The following PCDH7 variants were observed in gnomAD, a reference collection of about 807,000 sequenced individuals.
PCDH7 encodes the protein protocadherin-7.
Under a neutral mutation model 58.9 loss-of-function variants are expected in PCDH7, and 17 were observed. The observed-to-expected ratio is 0.29, with a 90% CI of 0.20 to 0.43. The LOEUF (loss-of-function observed/expected upper bound fraction) is 0.43. Ranked by LOEUF, PCDH7 falls within the 20% of genes least tolerant of loss-of-function variation. PCDH7 has a pLI of 1.00. For missense variants in PCDH7, 1,274 were observed against 1,441.0 expected, an observed-to-expected ratio of 0.88 and a Z score of 1.88; for synonymous variants, 664 against 616.4, an observed-to-expected ratio of 1.08 and a Z score of -1.14.
In PCDH7 at chr4:31,084,622, G is replaced by A. The variant is rs1712079122; in HGVS notation, c.*8-57851G>A. Among the ~76,000 whole-genome samples the A allele has an allele frequency of 4.1e-5, 6 of 147,486 alleles. No individual in the cohort carries two copies. In the Admixed American group the frequency reaches 4.1e-4, roughly 10 times the overall value. On this transcript the variant is annotated intron_variant, in intron 3 of 3. Coordinates refer to the PCDH7 transcript ENST00000509759. ...TATAGTTCATGGTGGCAGGCAAAGG[G>A]AGGCAGTGTCACATAAGGAAAGCAG...
chr4:31,139,872 CA>C (rs958952578), intron 3 of PCDH7, among the ~76,000 whole-genome samples: 1 of 152,144 alleles, frequency 6.6e-6, no homozygotes, highest in African/African-American at 2.4e-5. Flanking sequence ...CTGTGGTCCC[CA>C]ATCAAGTGTT....
At chr4:31,120,545 C>G (rs927299546) in intron 3 of PCDH7, among the ~76,000 whole-genome samples, 1 of 149,678 alleles carries the variant, frequency 6.7e-6, no homozygotes, top group Non-Finnish European at 1.5e-5. Flanking sequence ...ATCCAGCTTT[C>G]CTTATTTTAT....
intron 3 of PCDH7, among the ~76,000 whole-genome samples, chr4:30,978,324 T>C (rs901542179): frequency 1.2e-4 from 19 of 152,206 alleles, no homozygotes; most frequent in Non-Finnish European, 2.9e-5. Flanking sequence ...AAATCATGAT[T>C]ATGTCAGTCA....
In PCDH7 at chr4:30,723,881, A is replaced by G; in HGVS notation, c.2459A>G (p.Gln820Arg). ...TATGGCTTGCACAGGTTGGTGGTGC[A>G]AGTGAATGACAGTGGGCAGCCTTCC... Residue 820 changes from glutamine to arginine, a missense_variant, in exon 1 of 2, where the codon CAA becomes CGA. Coordinates refer to ENST00000361762, the Ensembl canonical transcript of PCDH7. This position sits in a 1 kb window ranked among gnomAD's most constrained non-coding sequence, Gnocchi z 4.6. The G allele has an allele frequency of 6.2e-7, 1 of 1,613,974 alleles. No individual in the cohort carries two copies. Among genetic ancestry groups the G allele is most frequent in the South Asian group, 1.1e-5 (1 of 91,074 alleles).
At chr4:31,057,365 T>C (rs1757343952) in intron 3 of PCDH7, among the ~76,000 whole-genome samples, 2 of 152,158 alleles carry the variant, frequency 1.3e-5, no homozygotes, top group African/African-American at 4.8e-5. Context: ...ACAAGCATTG[T>C]CACTTTCAAC....
chr4:31,097,623 T>TAA (rs1349005825), intron 3 of PCDH7, among the ~76,000 whole-genome samples: 2 of 40,540 alleles, frequency 4.9e-5, no homozygotes, highest in African/African-American at 4.5e-4. Flanking sequence ...TATATATATA[T>TAA]ATATATATAT....
chr4:30,817,601 C>T (rs1201967767), intron 1 of PCDH7, among the ~76,000 whole-genome samples: 1 of 151,904 alleles, frequency 6.6e-6, no homozygotes, highest in Non-Finnish European at 1.5e-5. Context: ...GTTTTTAATA[C>T]TCATCCTTCT....
chr4:31,112,453 TTAC>T (rs1716443697), intron 3 of PCDH7, among the ~76,000 whole-genome samples: 1 of 152,196 alleles, frequency 6.6e-6, no homozygotes, highest in African/African-American at 2.4e-5. Context: ...TATTTAATAA[TTAC>T]TACTAAAAAC....
At chr4:30,980,229 G>A (rs1750432392) in intron 3 of PCDH7, among the ~76,000 whole-genome samples, 1 of 152,116 alleles carries the variant, frequency 6.6e-6, no homozygotes, top group African/African-American at 2.4e-5. Flanking sequence ...GGACTACAGT[G>A]GAGCTTTCTG....
intron 1 of PCDH7, among the ~76,000 whole-genome samples, chr4:30,912,309 A>C (rs2109406341): frequency 6.6e-6 from 1 of 152,310 alleles, no homozygotes; most frequent in Middle Eastern, 3.4e-3. Flanking sequence ...AGCCACTGAC[A>C]CTGGTTGAGA....
At chr4:30,814,837 A>C (rs1309124778) in intron 1 of PCDH7, among the ~76,000 whole-genome samples, 1 of 152,142 alleles carries the variant, frequency 6.6e-6, no homozygotes, top group Admixed American at 6.5e-5. Context: ...AGAGTGAATT[A>C]GAGTCATTTT....
chr4:30,736,341 T>G (rs1420235668), downstream of PCDH7, among the ~76,000 whole-genome samples: 1 of 152,164 alleles, frequency 6.6e-6, no homozygotes, highest in African/African-American at 2.4e-5. Flanking sequence ...ATATATTTCA[T>G]TTATTTACCT....
chr4:31,130,968 C>T (rs577229915), intron 3 of PCDH7, among the ~76,000 whole-genome samples: 1 of 152,054 alleles, frequency 6.6e-6, no homozygotes, highest in Admixed American at 6.5e-5. Context: ...CCTTCATTCC[C>T]CTTTACCATG....
chr4:31,063,336 T>A (rs1757839813), intron 3 of PCDH7, among the ~76,000 whole-genome samples: 1 of 151,942 alleles, frequency 6.6e-6, no homozygotes, highest in East Asian at 1.9e-4. Context: ...GCCGACAAAT[T>A]TTTCTATGAC....
At chr4:31,130,519 G>T (rs1228083979) in intron 3 of PCDH7, among the ~76,000 whole-genome samples, 1 of 152,170 alleles carries the variant, frequency 6.6e-6, no homozygotes, top group Non-Finnish European at 1.5e-5. Flanking sequence ...AGAGAATTGG[G>T]AATGTGTTTA....
At chr4:30,951,812 G>A (rs1410832016) in intron 3 of PCDH7, among the ~76,000 whole-genome samples, 2 of 152,166 alleles carry the variant, frequency 1.3e-5, no homozygotes, top group African/African-American at 2.4e-5. Flanking sequence ...AGTGGGACAT[G>A]CCTTATACAG....
intron 1 of PCDH7, among the ~76,000 whole-genome samples, chr4:30,728,957 ATATC>A (rs1715051865): frequency 6.6e-6 from 1 of 151,776 alleles, no homozygotes; most frequent in Non-Finnish European, 1.5e-5. Context: ...TATGTGAAAA[ATATC>A]TAAGCTTAAA....
chr4:31,129,331 T>G (rs1417584955), intron 3 of PCDH7, among the ~76,000 whole-genome samples: 1 of 152,152 alleles, frequency 6.6e-6, no homozygotes, highest in Non-Finnish European at 1.5e-5. Flanking sequence ...CGAGATGCCT[T>G]GGAACACTGT....
At chr4:30,866,182 TA>T (rs1414929407) in intron 1 of PCDH7, among the ~76,000 whole-genome samples, 2 of 152,062 alleles carry the variant, frequency 1.3e-5, no homozygotes, top group African/African-American at 2.4e-5. Context: ...GGCAAAATTT[TA>T]AAAAAGCTGG....
Sources: gnomAD v4.1 joint callset for allele counts (sites outside exome capture counted in the v4.1 genomes callset) on GRCh38, gnomAD v4.1.1 for gene constraint, Gnocchi (gnomAD v3.1) non-coding constraint, MANE v1.5 for transcripts, NCBI Gene and HGNC (gene_info 2026-07-23, HGNC 2026-07-21) for gene names.